SERINC1: variants seen among roughly 807,000 people sequenced by gnomAD.
SERINC1 encodes the protein tumor differentially expressed protein 2.
SERINC1 carries 38 observed loss-of-function variants against 52.9 expected under a neutral mutation model. The ratio of observed to expected loss-of-function variants is 0.72; its 90% CI spans 0.55 to 0.94. The LOEUF is 0.94. Among genes scored for constraint, SERINC1 ranks in the 40% least tolerant of loss-of-function variants. The pLI, the probability that SERINC1 is intolerant of heterozygous loss-of-function variation, is 0.00. For synonymous variants in SERINC1, 198 were observed against 183.1 expected (o/e 1.08, Z -0.66); for missense variants, 471 against 533.9 (o/e 0.88, Z 1.16).
chr6:122,455,842 AC>A (rs1220641437), intron 3 of SERINC1, among the ~76,000 whole-genome samples: 4 of 152,234 alleles, frequency 2.6e-5, no homozygotes, highest in African/African-American at 9.6e-5. Context: ...TTTTATAAAC[AC>A]ATGATAAATG....
At chr6:122,461,573 G>C (rs1775101187) in intron 1 of SERINC1, among the ~76,000 whole-genome samples, 1 of 151,414 alleles carries the variant, frequency 6.6e-6, no homozygotes, top group Non-Finnish European at 1.5e-5. Flanking sequence ...ACGAGTTAGT[G>C]GGTGCAGCGC....
rs1490435665 is a variant in SERINC1 at position 122,451,772 on chromosome 6, A to ATATATAT, written c.760-19_760-18insATATATA. 4.1e-5 allele frequency: 10 copies of ATATATAT among 246,816 alleles called. No homozygotes were observed. In the East Asian group the frequency reaches 4.4e-4, roughly 11 times the overall value. 15.3% of individuals were successfully genotyped at this position (246,816 alleles called of 1,614,324 possible). A position where few individuals can be genotyped will look rare whatever the true frequency, so the allele number is the denominator to read the frequency against. Reference sequence around the variant, plus strand: ...TGTGATTCCTACAAAAAAAAAAAAAAAAAAATATATATATATATATATAGC... The same window carrying ATATATAT: ...TGTGATTCCTACAAAAAAAAAAAAAATATATATAAAAATATATATATATATATATAGC... On this transcript the variant is annotated intron_variant, in intron 6 of 9. Transcript: ENST00000339697.
intron 1 of SERINC1, among the ~76,000 whole-genome samples, chr6:122,459,517 C>A (rs1309649210): frequency 2.0e-5 from 3 of 152,114 alleles, no homozygotes; most frequent in Non-Finnish European, 4.4e-5. Flanking sequence ...AAGAATAAAG[C>A]TGCTTTATAT....
rs1466826569 is a variant in SERINC1, at chr6:122,458,658, G to A, written c.63C>T (p.Ala21=). The change falls in exon 2 of 10, where the codon GCC becomes GCT. Residue 21 remains alanine, a synonymous_variant. Transcript: ENST00000339697. The part of the protein sequence containing the change: ...ASWIPCLCGS[A]PCLLCRCCPS... Reference sequence around the variant, plus strand: ...GACAGCATCGGCATAGCAAACACGGGGCACTTCCACACAAACATGGTATCT... The same window carrying A: ...GACAGCATCGGCATAGCAAACACGGAGCACTTCCACACAAACATGGTATCT... 1.9e-6 allele frequency: 3 copies of A among 1,603,660 alleles called. No individual in the cohort carries two copies. The East Asian group carries it at 6.7e-5, about 36-fold the overall frequency.
At chr6:122,465,772 AAAAG>A (rs1775179918) in intron 1 of SERINC1, among the ~76,000 whole-genome samples, 1 of 152,224 alleles carries the variant, frequency 6.6e-6, no homozygotes, top group Admixed American at 6.5e-5. Context: ...GAGAAACTTG[AAAAG>A]AAATTATAGG....
In SERINC1 at chr6:122,452,692, A is replaced by G. The variant is rs555957861; in HGVS notation, c.590-635T>C. On this transcript the variant is annotated intron_variant, in intron 5 of 9. Transcript: ENST00000339697. ...CGCTGACAGGGGATCCATCCAACAA[A>G]TATTTATTGAATGCCTGCATTCCAG... Among the ~76,000 whole-genome samples the G allele has an allele frequency of 1.5e-4, 23 of 152,328 alleles. No individual in the cohort carries two copies. The East Asian group carries it at 2.9e-3, about 19-fold the overall frequency.
At chr6:122,451,822 A>G in intron 6 of SERINC1, 66 bp downstream of exon 6, 2 of 974,852 alleles carry the variant, frequency 2.1e-6, no homozygotes, top group Non-Finnish European at 2.8e-6. Context: ...GTCTGACATC[A>G]TTCTAGATTT....
chr6:122,457,578 G>A (rs987299833), intron 2 of SERINC1, among the ~76,000 whole-genome samples: 4 of 152,072 alleles, frequency 2.6e-5, no homozygotes, highest in African/African-American at 9.7e-5. Context: ...CCCTCAGGAT[G>A]GGATTAATGC....
chr6:122,463,467 C>T (rs186201144), intron 1 of SERINC1, among the ~76,000 whole-genome samples: 2 of 152,154 alleles, frequency 1.3e-5, no homozygotes, highest in Admixed American at 6.5e-5. Flanking sequence ...GATAAATCAT[C>T]GGCATCCAGA....
chr6:122,451,932 G>A lies in SERINC1; in HGVS notation c.715C>T (p.Leu239Phe), dbSNP rs756406821. 1.9e-6 allele frequency: 3 copies of A among 1,596,804 alleles called. No homozygotes were observed. Among genetic ancestry groups the A allele is most frequent in the East Asian group, 2.3e-5 (1 of 43,126 alleles). ...GACATTACAGAAGCACCAACGCAGA[G>A]GAGCATGTTGACACTGATGAACGCC... ...NKAFISVNML[L>F]CVGASVMSIL... Residue 239 changes from leucine to phenylalanine, a missense_variant, in exon 6 of 10, where the codon CTC becomes TTC. Coordinates refer to ENST00000339697, the MANE Select transcript of SERINC1 (RefSeq NM_020755.4).
intron 1 of SERINC1, among the ~76,000 whole-genome samples, chr6:122,466,191 T>C (rs1335825458): frequency 6.6e-6 from 1 of 152,178 alleles, no homozygotes; most frequent in East Asian, 1.9e-4. Context: ...GAAGTTTCAG[T>C]GAGCCGAGAT....
chr6:122,453,635 C>G lies in SERINC1; in HGVS notation c.589+135G>C, dbSNP rs1178155764. The G allele has an allele frequency of 3.7e-5, 23 of 616,942 alleles. No individual in the cohort carries two copies. In the Admixed American group the frequency reaches 6.7e-4, roughly 18 times the overall value. The allele number at this position is 616,942 out of a possible 1,614,324, so 38.2% of individuals were successfully genotyped here. On this transcript the variant is annotated intron_variant, in intron 5 of 9. Coordinates refer to ENST00000339697, the MANE Select transcript of SERINC1 (RefSeq NM_020755.4). ...GCTGATACAATGTGATATTTTGACACTCACAAAGTTTAAATTAAAAACCTC... is the reference window on the plus strand; with the variant it reads ...GCTGATACAATGTGATATTTTGACAGTCACAAAGTTTAAATTAAAAACCTC...
Position 122,446,760 on chromosome 6 carries a change from T to G in SERINC1, c.1226+14A>C, listed in dbSNP as rs550453743. 6.4e-7 allele frequency: 1 copy of G among 1,554,880 alleles called. No homozygotes were observed. Among genetic ancestry groups the G allele is most frequent in the Non-Finnish European group, 8.9e-7 (1 of 1,127,044 alleles). On this transcript the variant is annotated intron_variant, in intron 9 of 9. Coordinates refer to ENST00000339697, the MANE Select transcript of SERINC1 (RefSeq NM_020755.4). ...AGAATTCACACATCCAGAGTTTTCA[T>G]GAAATATAAATACCTGTACCAGTTG...
chr6:122,460,185 G>C (rs960541445), intron 1 of SERINC1, among the ~76,000 whole-genome samples: 7 of 152,256 alleles, frequency 4.6e-5, no homozygotes, highest in Non-Finnish European at 8.8e-5. Flanking sequence ...GGATTTTCCT[G>C]CCTCAGCCTC....
rs756844692 is a variant in SERINC1 at position 122,456,663 on chromosome 6, AAG to A, written c.202-15_202-14del. The A allele has an allele frequency of 8.3e-6, 13 of 1,559,982 alleles. No homozygotes were observed. In the African/African-American group the frequency reaches 1.7e-4, roughly 20 times the overall value. On this transcript the variant is annotated splice_polypyrimidine_tract_variant and intron_variant, in intron 2 of 9. Coordinates refer to ENST00000339697, the MANE Select transcript of SERINC1 (RefSeq NM_020755.4). ...AAAATCCAGGAATCTAGAAAAACAAAAGAGTTTATGATCCATCATTTTTTTTC... is the reference window on the plus strand; with the variant it reads ...AAAATCCAGGAATCTAGAAAAACAAAAGTTTATGATCCATCATTTTTTTTC...
Position 122,471,461 on chromosome 6 carries a change from T to G in SERINC1, c.39+238A>C, listed in dbSNP as rs148095485. Among the ~76,000 whole-genome samples, 733 of 152,208 alleles carry G rather than the reference T, an allele frequency of 4.8e-3. 5 individuals are homozygous for G. Among genetic ancestry groups the G allele is most frequent in the African/African-American group, 0.017 (691 of 41,552 alleles). On this transcript the variant is annotated intron_variant, in intron 1 of 9. Coordinates refer to ENST00000339697, the MANE Select transcript of SERINC1 (RefSeq NM_020755.4). ...CCCTATTCTAGTTCTCTTCCTCAAT[T>G]TGAGTCATCTTCCCATCGCCACTAA...
At chr6:122,471,212 T>A (rs1775288143) in intron 1 of SERINC1, among the ~76,000 whole-genome samples, 1 of 152,018 alleles carries the variant, frequency 6.6e-6, no homozygotes, top group South Asian at 2.1e-4. Flanking sequence ...AGGCACTTTT[T>A]AATCATAATC....
At position 122,446,939 on chromosome 6, in the gene SERINC1, A is replaced by G. The variant is rs1774815925; in HGVS notation, c.1061T>C (p.Ile354Thr). ...LTLTSDESTL[I>T]EDGGARSDGS... Reference sequence around the variant, plus strand: ...ATCACTTCTAGCTCCACCATCTTCTATTAATGTAGATTCATCACTTGTTAG... The same window carrying G: ...ATCACTTCTAGCTCCACCATCTTCTGTTAATGTAGATTCATCACTTGTTAG... Residue 354 changes from isoleucine to threonine, a missense_variant, in exon 9 of 10, where the codon ATA becomes ACA. Physicochemically the swap from Ile to Thr is moderately conservative, Grantham distance 89. Coordinates refer to ENST00000339697, the MANE Select transcript of SERINC1 (RefSeq NM_020755.4). 4 of 1,613,470 alleles carry G rather than the reference A, an allele frequency of 2.5e-6. No individual in the cohort carries two copies. Among genetic ancestry groups the G allele is most frequent in the African/African-American group, 1.3e-5 (1 of 74,912 alleles).
At position 122,456,479 on chromosome 6, in the gene SERINC1, AC is replaced by A; in HGVS notation, c.371+1del. ...TATATTGAAGCTTATTTAAAAACTT[AC>A]CCATTGTGCACTGCAGCTCTAGGAT... is the stretch of plus-strand genomic sequence containing the variant. On this transcript the variant is annotated splice_donor_variant, in intron 3 of 9. Transcript: ENST00000339697. LOFTEE classifies it high-confidence loss of function. The A allele has an allele frequency of 6.5e-7, 1 of 1,531,940 alleles. No individual in the cohort carries two copies. The highest frequency in any genetic ancestry group is 8.7e-7 in the Non-Finnish European group (1 of 1,142,924). 94.9% of individuals were successfully genotyped at this position (1,531,940 alleles called of 1,614,324 possible). A position where few individuals can be genotyped will look rare whatever the true frequency, so the allele number is the denominator to read the frequency against.
Sources: gnomAD v4.1 joint callset for allele counts (sites outside exome capture counted in the v4.1 genomes callset) on GRCh38, gnomAD v4.1.1 for gene constraint, MANE v1.5 for transcripts, NCBI Gene and HGNC (gene_info 2026-07-23, HGNC 2026-07-21) for gene names.